CDHR1: variants seen among roughly 807,000 people sequenced by gnomAD.
The protein encoded by CDHR1 is cadherin-related family member 1.
Under a neutral mutation model 72.1 loss-of-function variants are expected in CDHR1, and 61 were observed. The ratio of observed to expected loss-of-function variants is 0.85; its 90% confidence interval spans 0.69 to 1.05. CDHR1 has a LOEUF of 1.05. Among genes scored for constraint, CDHR1 ranks in the 50% least tolerant of loss-of-function variants. CDHR1 has a pLI of 0.00. For missense variants in CDHR1, 1,186 were observed against 1,115.7 expected (o/e 1.06, Z -0.90); for synonymous variants, 470 against 448.1 (o/e 1.05, Z -0.62).
intron 2 of CDHR1, 77 bp from the exon 3 acceptor site, chr10:84,196,428 G>T: frequency 6.7e-7 from 1 of 1,495,426 alleles, no homozygotes; most frequent in Non-Finnish European, 9.3e-7. Context: ...CAGCTGAATC[G>T]TTGGTCCTGA....
chr10:84,196,028 C>T (rs1842024365), intron 2 of CDHR1, among the ~76,000 whole-genome samples: 1 of 152,198 alleles, frequency 6.6e-6, no homozygotes, highest in South Asian at 2.1e-4. Flanking sequence ...AAAGGGAGAG[C>T]AGAGCAAAGT....
intron 10 of CDHR1, among the ~76,000 whole-genome samples, chr10:84,206,174 G>A (rs1308756306): frequency 6.6e-6 from 1 of 152,196 alleles, no homozygotes; most frequent in African/African-American, 2.4e-5. Flanking sequence ...GCCAGAGGCG[G>A]GCATTGGGTG....
chr10:84,211,576 C>T, intron 13 of CDHR1, 72 bp from the exon 14 acceptor site: 1 of 1,382,284 alleles, frequency 7.2e-7, no homozygotes, highest in South Asian at 1.2e-5. Flanking sequence ...TGAAAGCAAC[C>T]CTCAGGGCAT....
At position 84,214,502 on chromosome 10, in the gene CDHR1, C is replaced by T. The variant is rs1278901002; in HGVS notation, c.2461C>T (p.Gln821Ter). 6.2e-7 allele frequency: 1 copy of T among 1,605,926 alleles called. No homozygotes were observed. The change falls in exon 17 of 17, where the codon CAG (glutamine) becomes TAG (stop). Residue 821 changes from glutamine (Q) to a stop codon, truncating the protein, a stop_gained. Coordinates refer to ENST00000623527, the MANE Select transcript of CDHR1 (RefSeq NM_033100.4). LOFTEE classifies it low-confidence loss of function (END_TRUNC). ...VPTVSGSLTP[Q>*]PTQPPPKPKT... Reference sequence around the variant, plus strand: ...TACTGTCTCTGGCTCTCTCACTCCGCAGCCGACCCAACCCCCGCCAAAACC... The same window carrying T: ...TACTGTCTCTGGCTCTCTCACTCCGTAGCCGACCCAACCCCCGCCAAAACC...
chr10:84,217,099 C>T lies in CDHR1; in HGVS notation c.*2478C>T. The stretch of plus-strand genomic sequence containing the variant: ...ACTAGGAAAGAGGAGGAGGGTGCAG[C>T]CAAACTTAAGGCACCGGCAAGTGTT... On this transcript the variant is annotated 3_prime_UTR_variant, in exon 17 of 17. Coordinates refer to ENST00000623527, the MANE Select transcript of CDHR1 (RefSeq NM_033100.4). 1 of 985,684 alleles carries T rather than the reference C, an allele frequency of 1.0e-6. No individual in the cohort carries two copies. The highest frequency in any genetic ancestry group is 1.2e-6 in the Non-Finnish European group (1 of 830,132). The allele number at this position is 985,684 out of a possible 1,614,324, so 61.1% of individuals were successfully genotyped here. A position where few individuals can be genotyped will look rare whatever the true frequency, so the allele number is the denominator to read the frequency against.
intron 12 of CDHR1, among the ~76,000 whole-genome samples, chr10:84,209,969 C>T (rs1306545403): frequency 6.6e-6 from 1 of 152,166 alleles, no homozygotes; most frequent in East Asian, 1.9e-4. Context: ...CCTGTAATTC[C>T]AGCACTTTGG....
rs755523331 is a variant in CDHR1, at chr10:84,213,183, C to T, written c.1875C>T (p.His625=). The T allele has an allele frequency of 2.5e-6, 4 of 1,614,260 alleles. No individual in the cohort carries two copies. The highest frequency in any genetic ancestry group is 1.7e-5 in the Admixed American group (1 of 60,030). ...CCAACGTGTTCGACATCAATTCCCA[C>T]ACGGGGGAGATCTGGCTCAAGAATT... ...EPANVFDINS[H]TGEIWLKNSI... Residue 625 remains histidine (H), a synonymous_variant, in exon 16 of 17, where the codon CAC becomes CAT. Transcript: ENST00000623527.
chr10:84,197,545 G>A (rs544597210), intron 3 of CDHR1, among the ~76,000 whole-genome samples: 5 of 152,288 alleles, frequency 3.3e-5, no homozygotes, highest in African/African-American at 1.2e-4. Flanking sequence ...GACCCTCTGG[G>A]TCTCTGAGTT....
At position 84,197,794 on chromosome 10, in the gene CDHR1, T is replaced by C. The variant is rs1408470821; in HGVS notation, c.306T>C (p.Asp102=). ...LVEELDRERE[D]EIEAIISISD... is the part of the protein sequence containing the mutation. ...GTCCCTGTGCTTCACAGAGGGAAGATGAGATTGAAGCCATCATCAGCATTT... is the reference window on the plus strand; with the variant it reads ...GTCCCTGTGCTTCACAGAGGGAAGACGAGATTGAAGCCATCATCAGCATTT... The change falls in exon 4 of 17, where the codon GAT becomes GAC. Residue 102 remains aspartate, a synonymous_variant. Transcript: ENST00000623527. 1 of 1,613,488 alleles carries C rather than the reference T, an allele frequency of 6.2e-7. No homozygotes were observed. The highest frequency in any genetic ancestry group is 1.7e-5 in the Admixed American group (1 of 60,004).
chr10:84,202,339 C>T lies in CDHR1; in HGVS notation c.639+419C>T, dbSNP rs1589298237. Among the ~76,000 whole-genome samples, 4 of 152,314 alleles carry T rather than the reference C, an allele frequency of 2.6e-5. No homozygotes were observed. The Middle Eastern group carries it at 0.01, about 389-fold the overall frequency. On this transcript the variant is annotated intron_variant, in intron 7 of 16. Coordinates refer to ENST00000623527, the MANE Select transcript of CDHR1 (RefSeq NM_033100.4). ...CCCACCCCTGAAGCTCAACTAAGTT[C>T]CTCATATTTCTGAAGTGTGTGGTGT...
intron 3 of CDHR1, 63 bp from the exon 4 acceptor site, chr10:84,197,723 A>T: frequency 6.9e-7 from 1 of 1,457,896 alleles, no homozygotes; most frequent in Non-Finnish European, 9.6e-7. Flanking sequence ...AGCTCCATCC[A>T]GCCACAGGGG....
chr10:84,217,731 G>T lies in CDHR1; in HGVS notation c.*3110G>T, dbSNP rs1422471666. On this transcript the variant is annotated 3_prime_UTR_variant, in exon 17 of 17. Coordinates refer to ENST00000623527, the MANE Select transcript of CDHR1 (RefSeq NM_033100.4). ...CCCCCCAGGATGTTTCCACCCACCT[G>T]TAGGTCCAGAAGCTTTTACTTCATG... The T allele has an allele frequency of 1.0e-6, 1 of 985,356 alleles. No homozygotes were observed. Among genetic ancestry groups the T allele is most frequent in the African/African-American group, 1.7e-5 (1 of 57,228 alleles). The allele number at this position is 985,356 out of a possible 1,614,324, so 61.0% of individuals were successfully genotyped here.
rs779177513 is a variant in CDHR1 at position 84,211,132 on chromosome 10, C to T, written c.1452C>T (p.Asn484=). ...SLYYVARIPE[N]APGGSSVVAV... ...ACTACGTTGCCAGGATTCCTGAGAA[C>T]GCCCCAGGGGGCTCCAGCGTGGTGG... The change falls in exon 13 of 17, where the codon AAC becomes AAT. Residue 484 remains asparagine, a synonymous_variant. Coordinates refer to ENST00000623527, the MANE Select transcript of CDHR1 (RefSeq NM_033100.4). The T allele has an allele frequency of 6.2e-5, 100 of 1,614,114 alleles. No homozygotes were observed. Among genetic ancestry groups the T allele is most frequent in the Non-Finnish European group, 7.9e-5 (93 of 1,180,046 alleles).
rs1841994042 is a variant in CDHR1, at chr10:84,194,666, T to C, written c.-95T>C. The C allele has an allele frequency of 2.9e-6, 2 of 685,010 alleles. No individual in the cohort carries two copies. The highest frequency in any genetic ancestry group is 2.0e-5 in the African/African-American group (1 of 49,500). 42.4% of individuals were successfully genotyped at this position (685,010 alleles called of 1,614,324 possible). A position where few individuals can be genotyped will look rare whatever the true frequency, so the allele number is the denominator to read the frequency against. ...GCGGCTGCAGTCGCCGCTACCCCCA[T>C]TGTGGTCTCTGCCCTCCCCGCGGGC... On this transcript the variant is annotated 5_prime_UTR_variant, in exon 1 of 17. Coordinates refer to ENST00000623527, the MANE Select transcript of CDHR1 (RefSeq NM_033100.4).
Position 84,212,371 on chromosome 10 carries a change from G to C in CDHR1, c.1746G>C (p.Lys582Asn), listed in dbSNP as rs764520994. 1.9e-6 allele frequency: 3 copies of C among 1,614,106 alleles called. No individual in the cohort carries two copies. The highest frequency in any genetic ancestry group is 1.7e-5 in the Admixed American group (1 of 60,012). ...HPPQFGKSVQKKTMVLGTPVK... is the reference protein window; with the variant it reads ...HPPQFGKSVQNKTMVLGTPVK... ...CTCAGTTTGGAAAGAGCGTTCAGAA[G>C]AAGACGATGGTGCTAGGGACCCCAG... The change falls in exon 15 of 17, where the codon AAG becomes AAC. Residue 582 changes from lysine to asparagine, a missense_variant. Lys to Asn is a moderately conservative substitution (Grantham distance 94). Coordinates refer to ENST00000623527, the MANE Select transcript of CDHR1 (RefSeq NM_033100.4).
Position 84,208,078 on chromosome 10 carries a change from A to G in CDHR1, c.964-96A>G, listed in dbSNP as rs1008853325. 5.3e-6 allele frequency: 6 copies of G among 1,129,644 alleles called. No individual in the cohort carries two copies. The South Asian group carries it at 7.5e-5, about 14-fold the overall frequency. The allele number at this position is 1,129,644 out of a possible 1,614,324, so 70.0% of individuals were successfully genotyped here. ...AAGTTGCTAAGCCAGGACACACTCA[A>G]ACGGAGGGGATTATACATTCTGCAG... On this transcript the variant is annotated intron_variant, in intron 10 of 16. Coordinates refer to ENST00000623527, the MANE Select transcript of CDHR1 (RefSeq NM_033100.4).
Position 84,214,514 on chromosome 10 carries a change from C to G in CDHR1, c.2473C>G (p.Pro825Ala), listed in dbSNP as rs201515900. 1.9e-6 allele frequency: 3 copies of G among 1,604,248 alleles called. No individual in the cohort carries two copies. In the African/African-American group the frequency reaches 4.0e-5, roughly 21 times the overall value. ...SGSLTPQPTQ[P>A]PPKPKTMGSP... ...CTCTCTCACTCCGCAGCCGACCCAACCCCCGCCAAAACCCAAAACTATGGG... is the reference window on the plus strand; with the variant it reads ...CTCTCTCACTCCGCAGCCGACCCAAGCCCCGCCAAAACCCAAAACTATGGG... Residue 825 changes from proline (P) to alanine (A), a missense_variant, in exon 17 of 17, where the codon CCC becomes GCC. Transcript: ENST00000623527.
rs1412613861 is a variant in CDHR1 at position 84,211,171 on chromosome 10, T to C, written c.1485+6T>C. ...CCAGCGTGGTGGCTGTCACAGTGGG[T>C]TGGGCACTGGCCCAGGGACTGGGTG... On this transcript the variant is annotated splice_donor_region_variant and intron_variant, in intron 13 of 16. Transcript: ENST00000623527. The C allele has an allele frequency of 1.2e-6, 2 of 1,614,166 alleles. No individual in the cohort carries two copies. Among genetic ancestry groups the C allele is most frequent in the East Asian group, 2.2e-5 (1 of 44,884 alleles).
chr10:84,215,213 G>A lies in CDHR1; in HGVS notation c.*592G>A, dbSNP rs1372275124. 6.0e-6 allele frequency: 6 copies of A among 994,350 alleles called. No individual in the cohort carries two copies. Among genetic ancestry groups the A allele is most frequent in the Non-Finnish European group, 7.2e-6 (6 of 835,092 alleles). The allele number at this position is 994,350 out of a possible 1,614,324, so 61.6% of individuals were successfully genotyped here. On this transcript the variant is annotated 3_prime_UTR_variant, in exon 17 of 17. Transcript: ENST00000623527. Reference sequence around the variant, plus strand: ...TGTGGGACTGTGCCAGGATGCATTTGGAAAGATAGAGCATTCTGTCTGGGC... The same window carrying A: ...TGTGGGACTGTGCCAGGATGCATTTAGAAAGATAGAGCATTCTGTCTGGGC...
Sources: allele counts gnomAD v4.1 joint callset (sites outside exome capture counted in the v4.1 genomes callset), GRCh38; gene constraint gnomAD v4.1.1; transcripts MANE v1.5; gene names NCBI Gene and HGNC (gene_info 2026-07-23, HGNC 2026-07-21).